The following KIAA1671 variants were observed in gnomAD, a reference collection of about 807,000 sequenced individuals.
The protein encoded by KIAA1671 is KIAA1671.
Under a neutral mutation model 131.2 loss-of-function variants are expected in KIAA1671, and 52 were observed. That is an observed-to-expected ratio of 0.40 (90% confidence interval 0.32 to 0.50). KIAA1671 has a LOEUF of 0.50. Among genes scored for constraint, KIAA1671 ranks in the 20% least tolerant of loss-of-function variants. The probability of loss-of-function intolerance (pLI) is 0.73; values close to 1 mark genes in which losing one functional copy is unlikely to be tolerated. For missense variants in KIAA1671, 2,360 were observed against 2,364.2 expected (o/e 1.00, Z 0.04); for synonymous variants, 1,003 against 961.6 (o/e 1.04, Z -0.80).
intron 6 of KIAA1671, among the ~76,000 whole-genome samples, chr22:25,125,403 G>A (rs1932130160): frequency 6.6e-6 from 1 of 152,196 alleles, no homozygotes; most frequent in African/African-American, 2.4e-5. Context: ...TTGGGGAGAG[G>A]TGAGTTGCCC....
intron 1 of KIAA1671, among the ~76,000 whole-genome samples, chr22:24,977,705 G>T (rs1211837108): frequency 6.6e-6 from 1 of 152,238 alleles, no homozygotes; most frequent in African/African-American, 2.4e-5. Flanking sequence ...AGAGAGGGCA[G>T]GGCCTTGGCC....
intron 3 of KIAA1671, among the ~76,000 whole-genome samples, chr22:25,029,863 G>C (rs1298812425): frequency 6.6e-6 from 1 of 152,190 alleles, no homozygotes; most frequent in African/African-American, 2.4e-5. Flanking sequence ...ACTGTGGGGA[G>C]GTGGGAGCTG....
intron 4 of KIAA1671, among the ~76,000 whole-genome samples, chr22:25,033,964 A>T (rs969514189): frequency 4.6e-5 from 7 of 151,908 alleles, no homozygotes; most frequent in African/African-American, 1.7e-4. Flanking sequence ...TGAGTTTCCT[A>T]TGTGTGTACA....
chr22:25,054,033 C>CAAAAA (rs56317002), intron 6 of KIAA1671: 10 of 118,432 alleles, frequency 8.4e-5, no homozygotes, highest in East Asian at 2.5e-4. Flanking sequence ...TACTAAAATA[C>CAAAAA]AAAAAAAAAA....
rs962451334 is a variant in KIAA1671 at position 25,170,315 on chromosome 22, A to T, written c.4531-505A>T. Among the ~76,000 whole-genome samples the T allele has an allele frequency of 2.6e-5, 4 of 152,166 alleles. No individual in the cohort carries two copies. In the South Asian group the frequency reaches 6.2e-4, roughly 24 times the overall value. ...CGAGGGACTGTAGTTCAACCAGGTG[A>T]TCTCATGTCAAGAGCTCAGCCCAAT... On this transcript the variant is annotated intron_variant, in intron 6 of 12. Transcript: ENST00000358431.
chr22:25,083,596 C>T (rs1429565259), intron 6 of KIAA1671, among the ~76,000 whole-genome samples: 1 of 152,232 alleles, frequency 6.6e-6, no homozygotes, highest in Non-Finnish European at 1.5e-5. Flanking sequence ...CAGAAGATCA[C>T]ACAGCTGGTC....
chr22:25,047,415 T>G (rs1325452443), intron 5 of KIAA1671, among the ~76,000 whole-genome samples: 1 of 151,674 alleles, frequency 6.6e-6, no homozygotes, highest in African/African-American at 2.4e-5. Flanking sequence ...CCTCCCAAAG[T>G]GCTAGGATTA....
Position 25,038,985 on chromosome 22 carries a change from G to A in KIAA1671, c.1855G>A (p.Val619Met), listed in dbSNP as rs1019916505. Residue 619 changes from valine (V) to methionine (M), a missense_variant, in exon 5 of 13, where the codon GTG becomes ATG. Physicochemically the swap from Val to Met is conservative, Grantham distance 21 (BLOSUM62 1). Coordinates refer to ENST00000358431, the MANE Select transcript of KIAA1671 (RefSeq NM_001145206.2). Reference sequence around the variant, plus strand: ...GTGGGCCACAGTATTTGAGCACCACGTGGAGAGACACACAGTGGCTGACCA... The same window carrying A: ...GTGGGCCACAGTATTTGAGCACCACATGGAGAGACACACAGTGGCTGACCA... The part of the protein sequence containing the change: ...TVWATVFEHH[V>M]ERHTVADQSG... 6.7e-5 allele frequency: 104 copies of A among 1,551,646 alleles called. No homozygotes were observed. In the South Asian group the frequency reaches 6.8e-4, roughly 10 times the overall value.
intron 1 of KIAA1671, among the ~76,000 whole-genome samples, chr22:25,003,195 A>G (rs1924565801): frequency 6.6e-6 from 1 of 152,114 alleles, no homozygotes; most frequent in African/African-American, 2.4e-5. Context: ...CTGAGCCTCA[A>G]TTTCCTCATC....
At chr22:25,104,064 G>A (rs138411402) in intron 6 of KIAA1671, among the ~76,000 whole-genome samples, 120 of 151,740 alleles carry the variant, frequency 7.9e-4, no homozygotes, top group African/African-American at 1.0e-3. Context: ...CTGCAACCTC[G>A]GCCTCCTGGG....
chr22:25,092,347 A>G (rs986329253), intron 6 of KIAA1671, among the ~76,000 whole-genome samples: 2 of 152,244 alleles, frequency 1.3e-5, no homozygotes, highest in South Asian at 4.1e-4. Context: ...AAGGCCCTGC[A>G]TTGGGAACAA....
chr22:25,030,808 G>A (rs1602081752), intron 3 of KIAA1671, among the ~76,000 whole-genome samples: 1 of 152,330 alleles, frequency 6.6e-6, no homozygotes, highest in African/African-American at 2.4e-5. Context: ...TGGCATGCAT[G>A]CCACTGACAT....
At chr22:25,167,167 G>T (rs1157447002) in intron 6 of KIAA1671, among the ~76,000 whole-genome samples, 2 of 152,182 alleles carry the variant, frequency 1.3e-5, no homozygotes, top group Non-Finnish European at 2.9e-5. Flanking sequence ...GCCTTGCAAG[G>T]CAAAAACATA....
chr22:25,011,843 G>T (rs2123877642), intron 1 of KIAA1671: 1 of 151,942 alleles, frequency 6.6e-6, no homozygotes. Flanking sequence ...CACCATGTTG[G>T]CCAGGCTGTT....
chr22:25,115,410 C>T (rs1931600635), intron 6 of KIAA1671, among the ~76,000 whole-genome samples: 1 of 152,194 alleles, frequency 6.6e-6, no homozygotes, highest in African/African-American at 2.4e-5. Context: ...CACGTGCAAA[C>T]TGAGTGACCT....
At chr22:25,027,265 G>T (rs749802209) in intron 2 of KIAA1671, among the ~76,000 whole-genome samples, 1 of 152,172 alleles carries the variant, frequency 6.6e-6, no homozygotes, top group Non-Finnish European at 1.5e-5. Flanking sequence ...AGGGACAAAG[G>T]GATGATTGGG....
intron 6 of KIAA1671, among the ~76,000 whole-genome samples, chr22:25,091,845 G>A (rs1442862295): frequency 2.0e-5 from 3 of 152,166 alleles, no homozygotes; most frequent in Non-Finnish European, 2.9e-5. Context: ...GCATCTCCTA[G>A]GCTCTGGTTC....
intron 1 of KIAA1671, among the ~76,000 whole-genome samples, chr22:24,990,176 T>C (rs1365120284): frequency 1.3e-5 from 2 of 152,046 alleles, no homozygotes; most frequent in Non-Finnish European, 2.9e-5. Flanking sequence ...CTGCAACCTC[T>C]GCCTCCCGAG....
chr22:24,960,868 C>T (rs937801317), intron 1 of KIAA1671, among the ~76,000 whole-genome samples: 24 of 152,074 alleles, frequency 1.6e-4, no homozygotes, highest in South Asian at 4.2e-4. Context: ...GTGCGAGAGA[C>T]AGCCTCTTTG....
Sources: gnomAD v4.1 joint callset for allele counts (sites outside exome capture counted in the v4.1 genomes callset) on GRCh38, gnomAD v4.1.1 for gene constraint, MANE v1.5 for transcripts, NCBI Gene and HGNC (gene_info 2026-07-23, HGNC 2026-07-21) for gene names.